Variants in FSTL4 observed in about 807,000 individuals in gnomAD.
The protein encoded by FSTL4 is follistatin like 4.
A neutral mutation model predicts 78.2 loss-of-function variants in FSTL4; 28 were observed. The observed-to-expected ratio is 0.36, with a 90% CI of 0.27 to 0.49. FSTL4 has a LOEUF of 0.49. FSTL4 is among the 20% of genes least tolerant of loss of function. The probability of loss-of-function intolerance (pLI) is 0.98; values close to 1 mark genes in which losing one functional copy is unlikely to be tolerated. For missense variants in FSTL4, 922 were observed against 1,084.9 expected, an observed-to-expected ratio of 0.85 and a Z score of 2.11; for synonymous variants, 422 against 440.5, an observed-to-expected ratio of 0.96 and a Z score of 0.53.
intron 3 of FSTL4, among the ~76,000 whole-genome samples, chr5:133,514,993 C>G (rs546823720): frequency 2.5e-4 from 38 of 152,260 alleles, no homozygotes; most frequent in Admixed American, 4.6e-4. Flanking sequence ...CATTCAAAAA[C>G]ATCGCTTGAA....
chr5:133,682,015 C>G, the FSTL4 span, among the ~76,000 whole-genome samples: 1 of 152,178 alleles, frequency 6.6e-6, no homozygotes, highest in Non-Finnish European at 1.5e-5. Flanking sequence ...ATTCCCCAGG[C>G]CTGCTTGCAG....
At chr5:133,348,093 G>A (rs1296801314) in intron 4 of FSTL4, among the ~76,000 whole-genome samples, 1 of 152,142 alleles carries the variant, frequency 6.6e-6, no homozygotes, top group African/African-American at 2.4e-5. Flanking sequence ...ATTAAAATAA[G>A]ACATGAGGCT....
the FSTL4 span, among the ~76,000 whole-genome samples, chr5:133,647,983 T>C: frequency 1.3e-5 from 2 of 152,124 alleles, no homozygotes; most frequent in African/African-American, 4.8e-5. Context: ...ATCTGATGGT[T>C]CTATAAAGAG....
rs78492057 is a variant in FSTL4 at position 133,316,095 on chromosome 5, G to A, written c.603+364C>T. 1.8e-3 allele frequency among the ~76,000 whole-genome samples: 273 copies of A among 152,348 alleles called. 3 individuals are homozygous for A. The highest frequency in any genetic ancestry group is 6.5e-3 in the African/African-American group (269 of 41,572). ...TACTAAGGAGCAGTGATGTCCTAAG[G>A]TAGAAGACTTGGGGACTTCCAGGTT... On this transcript the variant is annotated intron_variant, in intron 5 of 15. Transcript: ENST00000265342.
intron 2 of FSTL4, among the ~76,000 whole-genome samples, chr5:133,599,845 A>G (rs1015988982): frequency 6.6e-6 from 1 of 152,054 alleles, no homozygotes; most frequent in Non-Finnish European, 1.5e-5. Flanking sequence ...AGGCTGCAAA[A>G]GTGGGGGGGC....
intron 4 of FSTL4, among the ~76,000 whole-genome samples, chr5:133,324,666 C>A (rs939196442): frequency 1.8e-4 from 28 of 152,228 alleles, no homozygotes; most frequent in Admixed American, 1.3e-3. Flanking sequence ...AGCACCTGGC[C>A]CAGCATCCAC....
chr5:133,401,808 C>T (rs910406614), intron 3 of FSTL4, among the ~76,000 whole-genome samples: 5 of 152,096 alleles, frequency 3.3e-5, no homozygotes, highest in Admixed American at 2.0e-4. Context: ...CTGTGGGTGG[C>T]ATTTGCAGGT....
rs1432593209 is a variant in FSTL4 at position 133,225,834 on chromosome 5, C to T, written c.1016-15G>A. On this transcript the variant is annotated splice_polypyrimidine_tract_variant and intron_variant, in intron 8 of 15. Coordinates refer to ENST00000265342, the MANE Select transcript of FSTL4 (RefSeq NM_015082.2). This position sits in a 1 kb window ranked among gnomAD's most constrained non-coding sequence, Gnocchi z 4.6. ...GACTGGCGGCACTGTGGGTGAGAGT[C>T]AGTGCTGGTGAGAAAGAGACGGCCC... 2 of 1,545,254 alleles carry T rather than the reference C, an allele frequency of 1.3e-6. No homozygotes were observed. Among genetic ancestry groups the T allele is most frequent in the East Asian group, 4.6e-5 (2 of 43,552 alleles).
At chr5:133,679,653 T>G in the FSTL4 span, among the ~76,000 whole-genome samples, 2 of 152,252 alleles carry the variant, frequency 1.3e-5, no homozygotes, top group African/African-American at 4.8e-5. Flanking sequence ...ACTCTGACAG[T>G]GCCTGCAAAC....
intron 3 of FSTL4, among the ~76,000 whole-genome samples, chr5:133,467,424 G>T (rs1391900157): frequency 6.6e-6 from 1 of 152,116 alleles, no homozygotes; most frequent in Non-Finnish European, 1.5e-5. Flanking sequence ...AGGGTTGTCT[G>T]ATACGTTGTC....
chr5:133,706,752 G>T, the FSTL4 span, among the ~76,000 whole-genome samples: 3 of 152,132 alleles, frequency 2.0e-5, no homozygotes, highest in Admixed American at 2.0e-4. Flanking sequence ...ACAGAAACAG[G>T]ATGGTTTCAT....
chr5:133,814,344 A>G, the FSTL4 span, among the ~76,000 whole-genome samples: 7,031 of 152,250 alleles, frequency 0.046, 217 homozygotes, highest in South Asian at 0.13. Context: ...GCTCAGCATA[A>G]CAAGCACGTT....
At chr5:133,816,350 C>T in the FSTL4 span, among the ~76,000 whole-genome samples, 1 of 152,182 alleles carries the variant, frequency 6.6e-6, no homozygotes, top group South Asian at 2.1e-4. Flanking sequence ...GCAGTCTACA[C>T]TGTCCAGGTG....
At chr5:133,295,502 A>G (rs1753372225) in intron 6 of FSTL4, among the ~76,000 whole-genome samples, 1 of 152,048 alleles carries the variant, frequency 6.6e-6, no homozygotes, top group Non-Finnish European at 1.5e-5. Context: ...CTACTGCCCT[A>G]TTCTGTTCTT....
At chr5:133,253,375 C>T (rs1308294914) in intron 6 of FSTL4, among the ~76,000 whole-genome samples, 5 of 152,228 alleles carry the variant, frequency 3.3e-5, no homozygotes. Flanking sequence ...TTGGCAGCTC[C>T]CTTCCTGTCA....
In FSTL4 at chr5:133,329,847, A is replaced by G. The variant is rs144859340; in HGVS notation, c.410-13195T>C. ...TCTCATCTGAATTTTTAAATGTCTC[A>G]CTCACGGCAGCAAAACATCTGGTTA... On this transcript the variant is annotated intron_variant, in intron 4 of 15. Transcript: ENST00000265342. Among the ~76,000 whole-genome samples, 412 of 152,284 alleles carry G rather than the reference A, an allele frequency of 2.7e-3. 2 individuals are homozygous for G. Among genetic ancestry groups the G allele is most frequent in the African/African-American group, 9.6e-3 (397 of 41,548 alleles).
At chr5:133,623,887 C>T in the FSTL4 span, among the ~76,000 whole-genome samples, 1 of 151,786 alleles carries the variant, frequency 6.6e-6, no homozygotes, top group Non-Finnish European at 1.5e-5. Flanking sequence ...ACAAATCAAA[C>T]CACAATGATA....
chr5:133,665,756 T>C, the FSTL4 span, among the ~76,000 whole-genome samples: 1 of 152,172 alleles, frequency 6.6e-6, no homozygotes. Context: ...TAGGGGTACA[T>C]AACAGAGGGG....
At chr5:133,607,500 G>A (rs752448579) in intron 1 of FSTL4, among the ~76,000 whole-genome samples, 42 of 152,094 alleles carry the variant, frequency 2.8e-4, no homozygotes, top group Non-Finnish European at 4.9e-4. Flanking sequence ...GAGGAGATGG[G>A]GTCACAGAGA....
Sources: allele counts gnomAD v4.1 joint callset (sites outside exome capture counted in the v4.1 genomes callset), GRCh38; gene constraint gnomAD v4.1.1; non-coding constraint Gnocchi (gnomAD v3.1); transcripts MANE v1.5; gene names NCBI Gene and HGNC (gene_info 2026-07-23, HGNC 2026-07-21).